CSMD1: variants seen among roughly 807,000 people sequenced by gnomAD.
CSMD1 encodes CUB and Sushi multiple domains 1, also known as CUB and sushi domain-containing protein 1.
CSMD1 carries 213 observed loss-of-function variants against 417.5 expected under a neutral mutation model. The observed-to-expected ratio is 0.51, with a 90% CI of 0.46 to 0.57. The LOEUF (loss-of-function observed/expected upper bound fraction) is 0.57, where lower values mean the gene tolerates loss of function less well. Among genes scored for constraint, CSMD1 ranks in the 20% least tolerant of loss-of-function variants. The probability of loss-of-function intolerance (pLI) is 0.00; values close to 1 mark genes in which losing one functional copy is unlikely to be tolerated. For synonymous variants in CSMD1, 2,862 were observed against 1,736.8 expected, an observed-to-expected ratio of 1.65 and a Z score of -16.11; for missense variants, 6,923 against 4,529.7, an observed-to-expected ratio of 1.53 and a Z score of -15.17.
intron 5 of CSMD1, among the ~76,000 whole-genome samples, chr8:3,778,107 T>A (rs1243210147): frequency 6.6e-6 from 1 of 152,200 alleles, no homozygotes; most frequent in African/African-American, 2.4e-5. Context: ...CAGAGCATTA[T>A]CTTGAGAAAG....
chr8:4,094,546 G>T (rs138539895), intron 3 of CSMD1, among the ~76,000 whole-genome samples: 232 of 152,314 alleles, frequency 1.5e-3, no homozygotes, highest in African/African-American at 5.4e-3. Context: ...TTCAGTGGGA[G>T]ATTCTTGTAG....
chr8:4,679,629 A>G (rs1456839172), intron 1 of CSMD1, among the ~76,000 whole-genome samples: 1 of 152,190 alleles, frequency 6.6e-6, no homozygotes, highest in African/African-American at 2.4e-5. Flanking sequence ...TAATGTATCT[A>G]CAAAAGATAA....
intron 68 of CSMD1, among the ~76,000 whole-genome samples, chr8:2,947,499 T>C (rs942763875): frequency 7.2e-5 from 11 of 152,210 alleles, no homozygotes; most frequent in South Asian, 4.1e-4. Context: ...AACAAGCTCA[T>C]CATCACATGA....
chr8:4,541,489 T>G (rs78345101), intron 2 of CSMD1, among the ~76,000 whole-genome samples: 12,392 of 152,190 alleles, frequency 0.081, 654 homozygotes, highest in East Asian at 0.13. Context: ...GGCTCACACC[T>G]GTAATCCCCA....
intron 1 of CSMD1, among the ~76,000 whole-genome samples, chr8:4,677,475 T>C (rs1187374300): frequency 6.6e-6 from 1 of 152,148 alleles, no homozygotes; most frequent in Non-Finnish European, 1.5e-5. Context: ...TATATAGTTA[T>C]TCTCTAATCA....
At chr8:4,244,461 A>G (rs1050880650) in intron 3 of CSMD1, among the ~76,000 whole-genome samples, 7 of 152,330 alleles carry the variant, frequency 4.6e-5, no homozygotes, top group East Asian at 1.9e-4. Flanking sequence ...TTAAAAAGCC[A>G]AAGTTATAAA....
chr8:4,313,345 G>A (rs560501786), intron 3 of CSMD1, among the ~76,000 whole-genome samples: 30 of 137,724 alleles, frequency 2.2e-4, no homozygotes, highest in African/African-American at 8.5e-4. Flanking sequence ...CATCATGGGG[G>A]TAGCAGACCA....
chr8:3,539,588 T>C (rs1166835584), intron 10 of CSMD1, among the ~76,000 whole-genome samples: 4 of 152,016 alleles, frequency 2.6e-5, no homozygotes, highest in African/African-American at 7.2e-5. Flanking sequence ...TCGCCAAGAA[T>C]TGAAGCGAAA....
chr8:4,463,009 A>C lies in CSMD1; in HGVS notation c.303-42944T>G, dbSNP rs977274787. Among the ~76,000 whole-genome samples the C allele has an allele frequency of 3.9e-5, 6 of 152,326 alleles. No individual in the cohort carries two copies. The East Asian group carries it at 1.2e-3, about 29-fold the overall frequency. On this transcript the variant is annotated intron_variant, in intron 2 of 69. Transcript: ENST00000635120. ...TCAAAAAACATTAGAACAGAAAAAG[A>C]TCTATAGAATAGGGAAAGTTTGCAA...
chr8:4,306,888 T>C (rs947992115), intron 3 of CSMD1, among the ~76,000 whole-genome samples: 14 of 152,144 alleles, frequency 9.2e-5, no homozygotes, highest in Non-Finnish European at 1.8e-4. Context: ...GCAGTTATGC[T>C]TTCCTTACGC....
chr8:4,898,386 T>A (rs1027974712), intron 1 of CSMD1, among the ~76,000 whole-genome samples: 4 of 152,108 alleles, frequency 2.6e-5, no homozygotes, highest in Non-Finnish European at 5.9e-5. Flanking sequence ...TTTTTTGCAG[T>A]CAAGTACTAG....
chr8:3,964,338 C>G (rs1047584867), intron 5 of CSMD1, among the ~76,000 whole-genome samples: 3 of 152,158 alleles, frequency 2.0e-5, no homozygotes, highest in African/African-American at 7.2e-5. Context: ...GTCACCGTGA[C>G]TTATTTGAGC....
At chr8:4,917,406 G>A (rs1255815130) in intron 1 of CSMD1, among the ~76,000 whole-genome samples, 1 of 152,150 alleles carries the variant, frequency 6.6e-6, no homozygotes, top group Non-Finnish European at 1.5e-5. Flanking sequence ...AGGCCAAGGT[G>A]GGCAGACTAC....
At position 4,946,213 on chromosome 8, in the gene CSMD1, G is replaced by A. The variant is rs114744723; in HGVS notation, c.85+48119C>T. On this transcript the variant is annotated intron_variant, in intron 1 of 69. Transcript: ENST00000635120. The stretch of plus-strand genomic sequence containing the variant: ...GTCTGACTCAACATACTTAATTTAT[G>A]GATCTAAATCCCTGTCTTGTTACGT... 9.0e-4 allele frequency among the ~76,000 whole-genome samples: 137 copies of A among 152,248 alleles called. 1 individual carries two copies. The highest frequency in any genetic ancestry group is 3.1e-3 in the African/African-American group (129 of 41,544).
intron 4 of CSMD1, 109 bp downstream of exon 4, chr8:4,031,796 T>G (rs1017847958): frequency 7.7e-6 from 6 of 775,668 alleles, no homozygotes; most frequent in South Asian, 2.8e-5. Flanking sequence ...ATTGTAAGAG[T>G]CAGCTCAACA....
At chr8:4,468,067 T>A (rs1454343095) in intron 2 of CSMD1, among the ~76,000 whole-genome samples, 1 of 152,192 alleles carries the variant, frequency 6.6e-6, no homozygotes, top group Non-Finnish European at 1.5e-5. Flanking sequence ...TCCGTCCCTG[T>A]CTTCTGAAAT....
intron 49 of CSMD1, among the ~76,000 whole-genome samples, chr8:3,068,443 A>C (rs1389234353): frequency 6.6e-6 from 1 of 152,200 alleles, no homozygotes; most frequent in Non-Finnish European, 1.5e-5. Flanking sequence ...GTTGCATTCT[A>C]AATTCCATTA....
At chr8:4,054,477 A>C (rs1349210976) in intron 3 of CSMD1, among the ~76,000 whole-genome samples, 1 of 152,140 alleles carries the variant, frequency 6.6e-6, no homozygotes, top group Admixed American at 6.6e-5. Context: ...GAACGACTGC[A>C]TTTTGGAAGC....
chr8:3,691,575 A>G (rs1800246520), intron 7 of CSMD1, among the ~76,000 whole-genome samples: 1 of 152,158 alleles, frequency 6.6e-6, no homozygotes. Flanking sequence ...ACATAACTTT[A>G]TAATCTTCCA....
Sources: allele counts gnomAD v4.1 joint callset (sites outside exome capture counted in the v4.1 genomes callset), GRCh38; gene constraint gnomAD v4.1.1; transcripts MANE v1.5; gene names NCBI Gene and HGNC (gene_info 2026-07-23, HGNC 2026-07-21).